Variants in SORL1 observed in about 807,000 individuals in gnomAD.
SORL1 encodes the protein sortilin-related receptor.
Under a neutral mutation model 273.7 loss-of-function variants are expected in SORL1, and 127 were observed. The observed-to-expected ratio is 0.46, with a 90% CI of 0.40 to 0.54. The LOEUF is 0.54. Among genes scored for constraint, SORL1 ranks in the 20% least tolerant of loss-of-function variants. SORL1 has a pLI of 0.00. For missense variants in SORL1, 2,494 were observed against 2,846.1 expected (o/e 0.88, Z 2.81); for synonymous variants, 1,031 against 1,067.4 (o/e 0.97, Z 0.66).
Position 121,620,797 on chromosome 11 carries a change from G to A in SORL1, c.5890-267G>A, listed in dbSNP as rs112020623. On this transcript the variant is annotated intron_variant, in intron 43 of 47. Coordinates refer to ENST00000260197, the MANE Select transcript of SORL1 (RefSeq NM_003105.6). ...GCTTGCTTGTTCCAACCTACCTGCTGATGTCACGATAAATGTGGCCCTCCC... is the reference window on the plus strand; with the variant it reads ...GCTTGCTTGTTCCAACCTACCTGCTAATGTCACGATAAATGTGGCCCTCCC... Among the ~76,000 whole-genome samples the A allele has an allele frequency of 2.5e-3, 376 of 152,320 alleles. 3 individuals are homozygous for A. The highest frequency in any genetic ancestry group is 8.6e-3 in the African/African-American group (358 of 41,564).
intron 1 of SORL1, among the ~76,000 whole-genome samples, chr11:121,459,359 G>A (rs911433317): frequency 1.3e-5 from 2 of 152,222 alleles, no homozygotes; most frequent in Non-Finnish European, 2.9e-5. Context: ...GCTCGTGTAG[G>A]CAGGGCAAAC....
chr11:121,520,443 G>A (rs553453207), intron 8 of SORL1, among the ~76,000 whole-genome samples: 5 of 152,296 alleles, frequency 3.3e-5, no homozygotes, highest in African/African-American at 1.2e-4. Context: ...GCTTGGGAAG[G>A]GAAGAGGAAA....
Position 121,522,896 on chromosome 11 carries a change from T to C in SORL1, c.1523-20T>C, listed in dbSNP as rs547677521. ...GACATATTCTTGAAATTAAAAATAA[T>C]TATTTCTCTTGCATTTTAGGCTCAG... On this transcript the variant is annotated intron_variant, in intron 10 of 47. Transcript: ENST00000260197. The C allele has an allele frequency of 5.9e-5, 94 of 1,599,550 alleles. 1 individual carries two copies. The South Asian group carries it at 9.8e-4, about 17-fold the overall frequency.
In SORL1 at chr11:121,574,354, A is replaced by G; in HGVS notation, c.3451A>G (p.Ser1151Gly). The stretch of plus-strand genomic sequence containing the variant: ...TGACTGTGGAGACAACAGTGATGAA[A>G]GTCATTGTGGTAAGGGGACATCACA... The part of the protein sequence containing the change: ...EDDCGDNSDE[S>G]HCEMHQCRSD... The change falls in exon 24 of 48, where the codon AGT becomes GGT. Residue 1151 changes from serine to glycine, a missense_variant. Ser to Gly is a moderately conservative substitution (Grantham distance 56). Transcript: ENST00000260197. 5 of 1,613,370 alleles carry G rather than the reference A, an allele frequency of 3.1e-6. No homozygotes were observed. Among genetic ancestry groups the G allele is most frequent in the Non-Finnish European group, 2.5e-6 (3 of 1,179,380 alleles).
At chr11:121,466,664 CCCCTGT>C (rs1861086654) in intron 1 of SORL1, among the ~76,000 whole-genome samples, 2 of 152,110 alleles carry the variant, frequency 1.3e-5, no homozygotes. Flanking sequence ...CCTGCTGGCT[CCCCTGT>C]CCTGCGCGCA....
chr11:121,570,270 C>A lies in SORL1; in HGVS notation c.3337C>A (p.Pro1113Thr). The A allele has an allele frequency of 6.2e-7, 1 of 1,605,998 alleles. No individual in the cohort carries two copies. Among genetic ancestry groups the A allele is most frequent in the Non-Finnish European group, 8.5e-7 (1 of 1,172,766 alleles). ...CGDMSDERNC[P>T]TTICDLDTQF... ...AGACATGAGCGATGAGAGAAACTGCCGTGAGTCTTCTGGATTGGACGTTAA... is the reference window on the plus strand; with the variant it reads ...AGACATGAGCGATGAGAGAAACTGCAGTGAGTCTTCTGGATTGGACGTTAA... Residue 1113 changes from proline to threonine, a missense_variant and splice_region_variant, in exon 23 of 48, where the codon CCT becomes ACT. This residue lies in a region of SORL1 where 1,609 missense variants were observed against 1,816.4 expected (regional missense o/e 0.89). Coordinates refer to ENST00000260197, the MANE Select transcript of SORL1 (RefSeq NM_003105.6).
chr11:121,518,648 A>G (rs1243387513), intron 8 of SORL1, among the ~76,000 whole-genome samples: 8 of 152,210 alleles, frequency 5.3e-5, no homozygotes, highest in African/African-American at 1.7e-4. Flanking sequence ...AAGCCCCTGA[A>G]AAATAACTGA....
Position 121,629,678 on chromosome 11 carries a change from CA to C in SORL1, c.*120del. ...TGCAATATGTTATTTTTATATGGGC[CA>C]AAAACAAAAAACAAAAAAAAAAAAA... On this transcript the variant is annotated 3_prime_UTR_variant, in exon 48 of 48. Coordinates refer to ENST00000260197, the MANE Select transcript of SORL1 (RefSeq NM_003105.6). The C allele has an allele frequency of 4.9e-6, 2 of 407,238 alleles. No homozygotes were observed. The highest frequency in any genetic ancestry group is 8.6e-6 in the Non-Finnish European group (2 of 233,438). The allele number at this position is 407,238 out of a possible 1,614,324, so 25.2% of individuals were successfully genotyped here.
chr11:121,473,005 C>T (rs975593843), intron 2 of SORL1, among the ~76,000 whole-genome samples: 11 of 150,412 alleles, frequency 7.3e-5, no homozygotes, highest in South Asian at 4.2e-4. Flanking sequence ...GGGAAGGAAA[C>T]GCAATGGCCA....
At chr11:121,496,239 T>G (rs1038849832) in intron 5 of SORL1, among the ~76,000 whole-genome samples, 1 of 152,236 alleles carries the variant, frequency 6.6e-6, no homozygotes, top group African/African-American at 2.4e-5. Flanking sequence ...GTGTGGTGTT[T>G]GCAAAAGCAC....
At chr11:121,566,468 T>C (rs1862756139) in intron 21 of SORL1, among the ~76,000 whole-genome samples, 1 of 152,156 alleles carries the variant, frequency 6.6e-6, no homozygotes, top group South Asian at 2.1e-4. Context: ...GCCTCCTGAG[T>C]AGCTGGGGCT....
intron 1 of SORL1, among the ~76,000 whole-genome samples, chr11:121,457,545 C>T (rs1860927592): frequency 6.6e-6 from 1 of 152,166 alleles, no homozygotes; most frequent in Admixed American, 6.5e-5. Context: ...AACTTTAGCT[C>T]TAAATTATAT....
intron 5 of SORL1, among the ~76,000 whole-genome samples, chr11:121,493,405 C>T (rs576610340): frequency 6.6e-6 from 1 of 152,194 alleles, no homozygotes; most frequent in East Asian, 1.9e-4. Flanking sequence ...TACAGGCACC[C>T]ACCACCATGC....
At chr11:121,618,681 G>A in intron 41 of SORL1, 93 bp from the exon 42 acceptor site, 1 of 1,473,944 alleles carries the variant, frequency 6.8e-7, no homozygotes, top group South Asian at 1.2e-5. Flanking sequence ...GAGCTCTTTT[G>A]AAGCAGTTCC....
chr11:121,621,309 G>A (rs1215352968), intron 44 of SORL1, 71 bp downstream of exon 44: 2 of 1,371,100 alleles, frequency 1.5e-6, no homozygotes, highest in East Asian at 2.3e-5. Context: ...GACCTCCAGA[G>A]ACAGACTTTT....
intron 26 of SORL1, among the ~76,000 whole-genome samples, chr11:121,585,936 C>T (rs1013056738): frequency 2.6e-5 from 4 of 152,096 alleles, no homozygotes; most frequent in Non-Finnish European, 5.9e-5. Context: ...TACTTGTGGG[C>T]GGTTTTCAAC....
In SORL1 at chr11:121,595,581, C is replaced by T. The variant is rs1262805377; in HGVS notation, c.4370-42C>T. The T allele has an allele frequency of 1.3e-6, 2 of 1,525,644 alleles. No homozygotes were observed. Among genetic ancestry groups the T allele is most frequent in the Admixed American group, 2.0e-5 (1 of 50,864 alleles). 94.5% of individuals were successfully genotyped at this position (1,525,644 alleles called of 1,614,324 possible). On this transcript the variant is annotated intron_variant, in intron 31 of 47. Transcript: ENST00000260197. The surrounding 1 kb of genome is among the most constrained non-coding windows in gnomAD (Gnocchi z 5.1). ...ATTGGTTGCTGTTATTGGCCAGCTC[C>T]CTCAATATTAAAAAGTAAATTTTAA...
chr11:121,557,914 G>A (rs574749927), intron 19 of SORL1, among the ~76,000 whole-genome samples: 22 of 152,168 alleles, frequency 1.4e-4, no homozygotes, highest in Non-Finnish European at 2.9e-4. Flanking sequence ...TTCCTCTCTC[G>A]TAGCATTTAT....
At position 121,558,821 on chromosome 11, in the gene SORL1, C is replaced by T; in HGVS notation, c.2894C>T (p.Ala965Val). 2 of 1,614,134 alleles carry T rather than the reference C, an allele frequency of 1.2e-6. No homozygotes were observed. The highest frequency in any genetic ancestry group is 1.7e-6 in the Non-Finnish European group (2 of 1,180,026). Reference sequence around the variant, plus strand: ...CTGGACAACCTCCCGCACCCCTATGCCATTGCTGTCTTTAAGGTGAGTCCA... The same window carrying T: ...CTGGACAACCTCCCGCACCCCTATGTCATTGCTGTCTTTAAGGTGAGTCCA... ...VILDNLPHPY[A>V]IAVFKNEIYW... Residue 965 changes from alanine (A) to valine (V), a missense_variant, in exon 20 of 48, where the codon GCC (alanine) becomes GTC (valine). By Grantham distance (64) the Ala-to-Val change is moderately conservative. This residue lies in a region of SORL1 where 1,609 missense variants were observed against 1,816.4 expected (regional missense o/e 0.89). Coordinates refer to ENST00000260197, the MANE Select transcript of SORL1 (RefSeq NM_003105.6).
Sources: gnomAD v4.1 joint callset for allele counts (sites outside exome capture counted in the v4.1 genomes callset) on GRCh38, gnomAD v4.1.1 for gene constraint, gnomAD v4.1.1 regional missense constraint, Gnocchi (gnomAD v3.1) non-coding constraint, MANE v1.5 for transcripts, NCBI Gene and HGNC (gene_info 2026-07-23, HGNC 2026-07-21) for gene names.